The following SLC25A39 variants were observed in gnomAD, a reference collection of about 807,000 sequenced individuals.
SLC25A39 encodes mitochondrial glutathione transporter SLC25A39.
In SLC25A39, 44 loss-of-function variants were observed where a neutral mutation model predicts 46.6. The observed-to-expected ratio is 0.94, with a 90% CI of 0.74 to 1.21. The LOEUF is 1.21. Among genes scored for constraint, SLC25A39 ranks in the 50% most tolerant of loss-of-function variants. The pLI, the probability that SLC25A39 is intolerant of heterozygous loss-of-function variation, is 0.00. For synonymous variants in SLC25A39, 218 were observed against 190.6 expected, an observed-to-expected ratio of 1.14 and a Z score of -1.19; for missense variants, 487 against 473.0, an observed-to-expected ratio of 1.03 and a Z score of -0.28.
At position 44,321,447 on chromosome 17, in the gene SLC25A39, G is replaced by A. The variant is rs1300313661; in HGVS notation, c.504C>T (p.Gly168=). 18 of 1,613,720 alleles carry A rather than the reference G, an allele frequency of 1.1e-5. No individual in the cohort carries two copies. The highest frequency in any genetic ancestry group is 2.2e-5 in the East Asian group (1 of 44,894). Residue 168 remains glycine (G), a synonymous_variant, in exon 7 of 12, where the codon GGC becomes GGT. Transcript: ENST00000377095. ...GACTATGCTCACGGCGGGCCAGCGC[G>A]CCAGCCACCATGGGTGCGTAGAGGT... is the stretch of plus-strand genomic sequence containing the variant. ...TSDLYAPMVA[G]ALARLGTVTV...
At chr17:44,322,760 G>A (rs2048091559) in intron 4 of SLC25A39, 48 bp downstream of exon 4, 3 of 1,613,350 alleles carry the variant, frequency 1.9e-6, no homozygotes, top group East Asian at 2.2e-5. Flanking sequence ...GACAAGGACT[G>A]TCTCCCCCTT....
chr17:44,322,775 C>G lies in SLC25A39; in HGVS notation c.190+33G>C, dbSNP rs771926661. The G allele has an allele frequency of 2.5e-6, 4 of 1,613,778 alleles. No homozygotes were observed. The East Asian group carries it at 8.9e-5, about 36-fold the overall frequency. On this transcript the variant is annotated intron_variant, in intron 4 of 11. Transcript: ENST00000377095. ...GACAAGGACTGTCTCCCCCTTGCAC[C>G]CTCCCATGCTCCCTGTGGCTTGGGG...
intron 2 of SLC25A39, 39 bp downstream of exon 2, chr17:44,323,439 A>AAGCCCCCCCCCCCCCCCCCCCCCCC: frequency 1.6e-5 from 4 of 257,098 alleles, no homozygotes; most frequent in African/African-American, 7.1e-5. Context: ...GGTCTGCCCC[A>AAGCCCCCCCCCCCCCCCCCCCCCCC]TCCCCACCCG....
At chr17:44,323,439 A>AAAAC in intron 2 of SLC25A39, 39 bp downstream of exon 2, 1 of 257,112 alleles carries the variant, frequency 3.9e-6, no homozygotes, top group Non-Finnish European at 5.7e-6. Context: ...GGTCTGCCCC[A>AAAAC]TCCCCACCCG....
chr17:44,320,138 TGTCAGGG>T, intron 11 of SLC25A39, 22 bp from the exon 12 acceptor site: 1 of 1,613,956 alleles, frequency 6.2e-7, no homozygotes, highest in Non-Finnish European at 8.5e-7. Flanking sequence ...AGGAGGCCCG[TGTCAGGG>T]GTCAGGTCGC....
At chr17:44,320,904 T>C in intron 8 of SLC25A39, 154 bp downstream of exon 8, 2 of 1,047,676 alleles carry the variant, frequency 1.9e-6, no homozygotes, top group Non-Finnish European at 2.7e-6. Context: ...GCAAATACTC[T>C]ACCTGCTAGG....
chr17:44,324,726 T>A lies in SLC25A39; in HGVS notation c.-31A>T, dbSNP rs975306594. On this transcript the variant is annotated 5_prime_UTR_variant, in exon 1 of 12. Coordinates refer to ENST00000377095, the MANE Select transcript of SLC25A39 (RefSeq NM_001143780.3). Reference sequence around the variant, plus strand: ...TGCCGCCTACCTGGCTCTAGGCTGGTGCTCGTGCGGCGCGGCGCCCAGGGT... The same window carrying A: ...TGCCGCCTACCTGGCTCTAGGCTGGAGCTCGTGCGGCGCGGCGCCCAGGGT... The A allele has an allele frequency of 6.6e-6, 1 of 152,156 alleles. No homozygotes were observed. The highest frequency in any genetic ancestry group is 1.9e-4 in the East Asian group (1 of 5,180). The allele number at this position is 152,156 out of a possible 1,614,324, so 9.4% of individuals were successfully genotyped here. A position where few individuals can be genotyped will look rare whatever the true frequency, so the allele number is the denominator to read the frequency against.
In SLC25A39 at chr17:44,320,137, G is replaced by C. The variant is rs113057918; in HGVS notation, c.965-21C>G. On this transcript the variant is annotated intron_variant, in intron 11 of 11. Coordinates refer to ENST00000377095, the MANE Select transcript of SLC25A39 (RefSeq NM_001143780.3). The stretch of plus-strand genomic sequence containing the variant: ...GAAGCCTGCAGTGGAAAGGAGGCCC[G>C]TGTCAGGGGTCAGGTCGCAGGTCCG... 3,008 of 1,613,906 alleles carry C rather than the reference G, an allele frequency of 1.9e-3. 51 individuals are homozygous for C. In the African/African-American group the frequency reaches 0.035, roughly 19 times the overall value.
rs114788749 is a variant in SLC25A39, at chr17:44,322,569, G to A, written c.191-17C>T. On this transcript the variant is annotated splice_polypyrimidine_tract_variant and intron_variant, in intron 4 of 11. Transcript: ENST00000377095. ...AGGAGGGCACTGGGGAAAGGCAGGG[G>A]GCATTATAATGACAGGATCCTAGAA... The A allele has an allele frequency of 7.9e-5, 128 of 1,612,918 alleles. No homozygotes were observed. The African/African-American group carries it at 1.4e-3, about 18-fold the overall frequency.
intron 8 of SLC25A39, 40 bp from the exon 9 acceptor site, chr17:44,320,771 A>C: frequency 6.6e-7 from 1 of 1,509,676 alleles, no homozygotes; most frequent in Non-Finnish European, 9.2e-7. Context: ...CGGGAAGGGC[A>C]AGGAAGTGGC....
intron 1 of SLC25A39, chr17:44,323,805 T>G: frequency 1.9e-6 from 1 of 534,028 alleles, no homozygotes. Flanking sequence ...CCACGCCTAG[T>G]TAATTTTTGC....
intron 5 of SLC25A39, 119 bp downstream of exon 5, chr17:44,322,300 G>A (rs911489217): frequency 4.1e-5 from 46 of 1,121,146 alleles, no homozygotes; most frequent in Non-Finnish European, 6.5e-6. Context: ...AGCACTTCCT[G>A]ACGGAACCGG....
intron 8 of SLC25A39, 58 bp downstream of exon 8, chr17:44,321,000 A>T: frequency 6.6e-7 from 1 of 1,511,502 alleles, no homozygotes; most frequent in Non-Finnish European, 8.8e-7. Flanking sequence ...TTGGCTGTAG[A>T]CCCTTTGTGC....
chr17:44,322,186 T>A lies in SLC25A39; in HGVS notation c.324+233A>T, dbSNP rs187273837. 3.5e-3 allele frequency among the ~76,000 whole-genome samples: 532 copies of A among 152,104 alleles called. 2 individuals are homozygous for A. Among genetic ancestry groups the A allele is most frequent in the Middle Eastern group, 6.8e-3 (2 of 294 alleles). ...ACCACTTGAACCCAGGAGACAGAGG[T>A]TGCAGTGAGCTGAGATCACACCACC... On this transcript the variant is annotated intron_variant, in intron 5 of 11. Coordinates refer to ENST00000377095, the MANE Select transcript of SLC25A39 (RefSeq NM_001143780.3).
At position 44,320,048 on chromosome 17, in the gene SLC25A39, T is replaced by G. The variant is rs1366236525; in HGVS notation, c.1033A>C (p.Lys345Gln). 1.9e-6 allele frequency: 3 copies of G among 1,613,938 alleles called. No individual in the cohort carries two copies. Among genetic ancestry groups the G allele is most frequent in the Non-Finnish European group, 2.5e-6 (3 of 1,180,018 alleles). The part of the protein sequence containing the change: ...AIMISTYEFG[K>Q]SFFQRLNQDR... ...TGGTTCAGCCTCTGGAAGAAGCTTT[T>G]GCCGAACTCATAGGTGCTGATCATG... Residue 345 changes from lysine to glutamine, a missense_variant, in exon 12 of 12, where the codon AAA becomes CAA. Coordinates refer to ENST00000377095, the MANE Select transcript of SLC25A39 (RefSeq NM_001143780.3).
In SLC25A39 at chr17:44,320,067, G is replaced by C. The variant is rs762362713; in HGVS notation, c.1014C>G (p.Ile338Met). Residue 338 changes from isoleucine (I) to methionine (M), a missense_variant, in exon 12 of 12, where the codon ATC (isoleucine) becomes ATG (methionine). Physicochemically the swap from Ile to Met is conservative, Grantham distance 10. Transcript: ENST00000377095. ...IKAAPSCAIM[I>M]STYEFGKSFF... ...AGCTTTTGCCGAACTCATAGGTGCT[G>C]ATCATGATGGCACAGGAGGGGGCAG... 3.7e-6 allele frequency: 6 copies of C among 1,614,026 alleles called. No individual in the cohort carries two copies. The highest frequency in any genetic ancestry group is 5.1e-6 in the Non-Finnish European group (6 of 1,180,016).
chr17:44,320,112 G>A lies in SLC25A39; in HGVS notation c.969C>T (p.Phe323=), dbSNP rs1567863452. ...ESGTKGLFAG[F]LPRIIKAAPS... ...GGGCAGCCTTGATGATCCGAGGAAG[G>A]AAGCCTGCAGTGGAAAGGAGGCCCG... The change falls in exon 12 of 12, where the codon TTC becomes TTT. Residue 323 remains phenylalanine, a synonymous_variant. Coordinates refer to ENST00000377095, the MANE Select transcript of SLC25A39 (RefSeq NM_001143780.3). 1 of 1,614,084 alleles carries A rather than the reference G, an allele frequency of 6.2e-7. No homozygotes were observed. Among genetic ancestry groups the A allele is most frequent in the Non-Finnish European group, 8.5e-7 (1 of 1,180,008 alleles).
chr17:44,322,333 A>G lies in SLC25A39; in HGVS notation c.324+86T>C, dbSNP rs752867712. On this transcript the variant is annotated intron_variant, in intron 5 of 11. Coordinates refer to ENST00000377095, the MANE Select transcript of SLC25A39 (RefSeq NM_001143780.3). The stretch of plus-strand genomic sequence containing the variant: ...CGGCTACCTCTGCGTGCCTTGCCCA[A>G]TCCCTTTACTCCTGGGTCTGCTGCC... 4.7e-5 allele frequency: 72 copies of G among 1,517,276 alleles called. No individual in the cohort carries two copies. The Admixed American group carries it at 5.3e-4, about 11-fold the overall frequency. 94.0% of individuals were successfully genotyped at this position (1,517,276 alleles called of 1,614,324 possible). A position where few individuals can be genotyped will look rare whatever the true frequency, so the allele number is the denominator to read the frequency against.
At chr17:44,321,877 C>A in intron 5 of SLC25A39, 110 bp from the exon 6 acceptor site, 1 of 1,102,648 alleles carries the variant, frequency 9.1e-7, no homozygotes, top group Non-Finnish European at 1.3e-6. Flanking sequence ...CTGCCCACAG[C>A]CCTCAGGCCT....
Sources: gnomAD v4.1 joint callset for allele counts (sites outside exome capture counted in the v4.1 genomes callset) on GRCh38, gnomAD v4.1.1 for gene constraint, MANE v1.5 for transcripts, NCBI Gene and HGNC (gene_info 2026-07-23, HGNC 2026-07-21) for gene names.